The following LRRIQ1 variants were observed in gnomAD, a reference collection of about 807,000 sequenced individuals.
LRRIQ1 encodes the protein leucine rich repeats and IQ motif containing 1, also known as leucine-rich repeat- and IQ domain-containing protein 1.
In LRRIQ1, 210 loss-of-function variants were observed where a neutral mutation model predicts 211.9. The ratio of observed to expected loss-of-function variants is 0.99; its 90% CI spans 0.89 to 1.11. The LOEUF is 1.11. Among genes scored for constraint, LRRIQ1 ranks in the 50% most tolerant of loss-of-function variants. LRRIQ1 has a pLI of 0.00. For synonymous variants in LRRIQ1, 699 were observed against 650.1 expected, an observed-to-expected ratio of 1.08 and a Z score of -1.14; for missense variants, 2,136 against 1,939.5, an observed-to-expected ratio of 1.10 and a Z score of -1.90.
chr12:85,143,659 A>C (rs538919922), intron 19 of LRRIQ1, among the ~76,000 whole-genome samples: 87 of 151,468 alleles, frequency 5.7e-4, no homozygotes, highest in Non-Finnish European at 1.0e-3. Context: ...TTATATTCTT[A>C]TTTTGTTATT....
chr12:85,231,787 GCAATCATGAGAGGTAAC>G (rs1410331063), intron 25 of LRRIQ1, among the ~76,000 whole-genome samples: 4 of 152,028 alleles, frequency 2.6e-5, no homozygotes, highest in Non-Finnish European at 5.9e-5. Flanking sequence ...TAGCACCAAG[GCAATCATGAGAGGTAAC>G]CACCCTCATG....
intron 24 of LRRIQ1, among the ~76,000 whole-genome samples, chr12:85,166,075 A>C (rs1891144504): frequency 6.6e-6 from 1 of 152,106 alleles, no homozygotes; most frequent in Non-Finnish European, 1.5e-5. Flanking sequence ...CAGAGCCTAT[A>C]TTTTTGCTTC....
At chr12:85,265,156 CAT>C (rs1896394741), downstream of LRRIQ1, among the ~76,000 whole-genome samples, 2 of 151,924 alleles carry the variant, frequency 1.3e-5, no homozygotes, top group Admixed American at 1.3e-4. Flanking sequence ...AGACAAATAA[CAT>C]TAAACATTTA....
intron 26 of LRRIQ1, among the ~76,000 whole-genome samples, chr12:85,238,117 C>T (rs913704804): frequency 1.3e-5 from 2 of 150,996 alleles, no homozygotes; most frequent in Non-Finnish European, 3.0e-5. Flanking sequence ...CAAACTATTT[C>T]ACCTTAATTG....
chr12:85,211,198 A>G (rs893982498), intron 24 of LRRIQ1, among the ~76,000 whole-genome samples: 1 of 152,226 alleles, frequency 6.6e-6, no homozygotes, highest in African/African-American at 2.4e-5. Flanking sequence ...AAGTCATGAT[A>G]TAGAAAAACT....
chr12:85,089,970 G>A (rs1237838158), intron 11 of LRRIQ1, among the ~76,000 whole-genome samples: 3 of 152,212 alleles, frequency 2.0e-5, no homozygotes, highest in African/African-American at 7.2e-5. Context: ...AGCCTAGGAG[G>A]ACTGAATGGT....
At position 85,066,907 on chromosome 12, in the gene LRRIQ1, A is replaced by G. The variant is rs1882498475; in HGVS notation, c.2695+9A>G. 1.5e-6 allele frequency: 2 copies of G among 1,378,310 alleles called. No homozygotes were observed. Among genetic ancestry groups the G allele is most frequent in the Non-Finnish European group, 2.0e-6 (2 of 1,019,970 alleles). The allele number at this position is 1,378,310 out of a possible 1,614,324, so 85.4% of individuals were successfully genotyped here. A position where few individuals can be genotyped will look rare whatever the true frequency, so the allele number is the denominator to read the frequency against. ...TAAAATTACTCGAATTGGTAAGAAC[A>G]ATGAAATTTTAATATTTAAAGATAT... On this transcript the variant is annotated intron_variant, in intron 10 of 26. Transcript: ENST00000393217.
chr12:85,242,023 A>G (rs902606457), intron 26 of LRRIQ1, among the ~76,000 whole-genome samples: 3 of 152,030 alleles, frequency 2.0e-5, no homozygotes, highest in Admixed American at 6.6e-5. Flanking sequence ...GAGAGCGGCA[A>G]TTACAAACCT....
At chr12:85,057,239 G>T in intron 8 of LRRIQ1, 55 bp downstream of exon 8, 1 of 1,171,278 alleles carries the variant, frequency 8.5e-7, no homozygotes, top group Non-Finnish European at 1.2e-6. Flanking sequence ...GCTCTTTAAA[G>T]TATAACTTTT....
downstream of LRRIQ1, among the ~76,000 whole-genome samples, chr12:85,265,814 A>G (rs993944545): frequency 2.0e-5 from 3 of 152,072 alleles, no homozygotes; most frequent in African/African-American, 7.2e-5. Context: ...TTCAAATTTT[A>G]TATACAGTTA....
chr12:85,236,068 T>A (rs1895159867), intron 26 of LRRIQ1, among the ~76,000 whole-genome samples: 1 of 152,102 alleles, frequency 6.6e-6, no homozygotes, highest in African/African-American at 2.4e-5. Context: ...CTAAATGGCA[T>A]TGAAAAAGTG....
intron 26 of LRRIQ1, among the ~76,000 whole-genome samples, chr12:85,238,896 G>C (rs1044551310): frequency 6.6e-6 from 1 of 151,956 alleles, no homozygotes; most frequent in African/African-American, 2.4e-5. Context: ...AAACAGTTTA[G>C]ACATAAGTGA....
At chr12:85,207,179 A>G (rs1893602457) in intron 24 of LRRIQ1, among the ~76,000 whole-genome samples, 1 of 152,082 alleles carries the variant, frequency 6.6e-6, no homozygotes, top group South Asian at 2.1e-4. Flanking sequence ...CCTGGAATAA[A>G]TCCCAGTACA....
intron 24 of LRRIQ1, among the ~76,000 whole-genome samples, chr12:85,166,871 T>G (rs1305970896): frequency 1.3e-5 from 2 of 152,194 alleles, no homozygotes; most frequent in African/African-American, 2.4e-5. Context: ...AACACTATAT[T>G]TTGAATTACT....
intron 24 of LRRIQ1, among the ~76,000 whole-genome samples, chr12:85,190,497 T>C (rs1205089850): frequency 1.3e-5 from 2 of 148,168 alleles, no homozygotes; most frequent in East Asian, 1.9e-4. Flanking sequence ...TATACAATTT[T>C]ATAGTTATGT....
At chr12:85,268,975 C>A (rs575154806), downstream of LRRIQ1, among the ~76,000 whole-genome samples, 3 of 151,944 alleles carry the variant, frequency 2.0e-5, no homozygotes, top group East Asian at 5.8e-4. Flanking sequence ...TCATAATGGG[C>A]AGGGAGCAGG....
At chr12:85,138,114 ATCT>A (rs1338190525) in intron 19 of LRRIQ1, 145 bp downstream of exon 19, 1 of 545,196 alleles carries the variant, frequency 1.8e-6, no homozygotes, top group Non-Finnish European at 3.1e-6. Context: ...TCCTAACATC[ATCT>A]TCTTTTATCC....
chr12:85,161,394 T>A (rs2136733874), intron 24 of LRRIQ1, among the ~76,000 whole-genome samples: 1 of 152,164 alleles, frequency 6.6e-6, no homozygotes, highest in Admixed American at 6.5e-5. Flanking sequence ...AAAATTGTAC[T>A]ACTTTTTTAG....
intron 11 of LRRIQ1, among the ~76,000 whole-genome samples, chr12:85,089,176 T>A (rs1373092662): frequency 6.6e-6 from 1 of 152,246 alleles, no homozygotes; most frequent in Non-Finnish European, 1.5e-5. Flanking sequence ...GTCAAAGGCC[T>A]TTTCTGCATC....
Sources: allele counts gnomAD v4.1 joint callset (sites outside exome capture counted in the v4.1 genomes callset), GRCh38; gene constraint gnomAD v4.1.1; transcripts MANE v1.5; gene names NCBI Gene and HGNC (gene_info 2026-07-23, HGNC 2026-07-21).